The following NPY1R variants were observed in gnomAD, a reference collection of about 807,000 sequenced individuals.
NPY1R encodes the protein neuropeptide Y receptor Y1.
NPY1R carries 10 observed loss-of-function variants against 24.1 expected under a neutral mutation model. The observed-to-expected ratio is 0.42, with a 90% confidence interval of 0.26 to 0.71. NPY1R has a LOEUF of 0.71. Among genes scored for constraint, NPY1R ranks in the 30% least tolerant of loss-of-function variants. The probability of loss-of-function intolerance (pLI) is 0.28; values close to 1 mark genes in which losing one functional copy is unlikely to be tolerated. For missense variants in NPY1R, 350 were observed against 458.0 expected (o/e 0.76, Z 2.15); for synonymous variants, 168 against 165.9 (o/e 1.01, Z -0.10).
intron 1 of NPY1R, among the ~76,000 whole-genome samples, chr4:163,338,942 G>T (rs527263497): frequency 6.6e-6 from 1 of 152,204 alleles, no homozygotes; most frequent in East Asian, 1.9e-4. Flanking sequence ...GTCTCAGATT[G>T]CCACTGATTT....
At chr4:163,336,226 T>C (rs1219902306), upstream of NPY1R, among the ~76,000 whole-genome samples, 3 of 152,170 alleles carry the variant, frequency 2.0e-5, no homozygotes, top group Non-Finnish European at 4.4e-5. Flanking sequence ...TCTAGACAAG[T>C]AGGATCTTAA....
Position 163,325,354 on chromosome 4 carries a change from G to A in NPY1R, c.1104C>T (p.Ser368=). The change falls in exon 3 of 3, where the codon AGC becomes AGT. Residue 368 remains serine (S), a synonymous_variant. Coordinates refer to ENST00000296533, the MANE Select transcript of NPY1R (RefSeq NM_000909.6). ...TGTTGATTTTTTTAAATGCGACTGGGCTTGCTTGCTTCAAAGAAGTTTTGG... is the reference window on the plus strand; with the variant it reads ...TGTTGATTTTTTTAAATGCGACTGGACTTGCTTGCTTCAAAGAAGTTTTGG... ...DVSKTSLKQA[S]PVAFKKINNN... The A allele has an allele frequency of 6.2e-7, 1 of 1,613,754 alleles. No individual in the cohort carries two copies. Among genetic ancestry groups the A allele is most frequent in the Non-Finnish European group, 8.5e-7 (1 of 1,179,898 alleles).
upstream of NPY1R, among the ~76,000 whole-genome samples, chr4:163,336,397 T>C (rs201637642): frequency 9.2e-5 from 14 of 152,300 alleles, no homozygotes; most frequent in East Asian, 2.7e-3. Context: ...ATTACTGTTT[T>C]TAATAATTAT....
At chr4:163,328,100 T>TA (rs1734650039) in intron 1 of NPY1R, among the ~76,000 whole-genome samples, 4 of 152,008 alleles carry the variant, frequency 2.6e-5, no homozygotes, top group African/African-American at 9.7e-5. Flanking sequence ...TTTTTTTTTT[T>TA]ATTATGAAAC....
At chr4:163,344,068 C>G (rs1165434500) in intron 1 of NPY1R, 1 of 152,192 alleles carries the variant, frequency 6.6e-6, no homozygotes. Context: ...GGGGCCGTGG[C>G]GGGTCCCCGC....
chr4:163,332,334 C>A (rs1414947800), intron 1 of NPY1R, 148 bp downstream of exon 1: 2 of 152,272 alleles, frequency 1.3e-5, no homozygotes, highest in Non-Finnish European at 2.9e-5. Context: ...TTTGGAGCAA[C>A]CTGCGACCTG....
chr4:163,329,060 C>T (rs923428431), intron 1 of NPY1R, among the ~76,000 whole-genome samples: 1 of 152,026 alleles, frequency 6.6e-6, no homozygotes, highest in African/African-American at 2.4e-5. Flanking sequence ...TCACAACAGC[C>T]GTACTCCTAG....
chr4:163,326,538 A>G lies in NPY1R; in HGVS notation c.17T>C (p.Phe6Ser). MNSTLFSQVENHSVHS... is the reference protein window; with the variant it reads MNSTLSSQVENHSVHS... ...GACTGAATGATTTTCAACCTGGGAA[A>G]ATAATGTTGAATTCATTTTGATTGG... is the stretch of plus-strand genomic sequence containing the variant. Residue 6 changes from phenylalanine (F) to serine (S), a missense_variant, in exon 2 of 3, where the codon TTT (phenylalanine) becomes TCT (serine). Phe to Ser is a radical substitution (Grantham distance 155). Coordinates refer to ENST00000296533, the MANE Select transcript of NPY1R (RefSeq NM_000909.6). 1 of 1,594,736 alleles carries G rather than the reference A, an allele frequency of 6.3e-7. No homozygotes were observed. Among genetic ancestry groups the G allele is most frequent in the South Asian group, 1.1e-5 (1 of 88,292 alleles).
chr4:163,343,175 CTTT>C (rs35412972), intron 1 of NPY1R, among the ~76,000 whole-genome samples: 3 of 144,972 alleles, frequency 2.1e-5, no homozygotes, highest in Admixed American at 6.9e-5. Flanking sequence ...TTTTTCCCGT[CTTT>C]TTTTTTTTTT....
At chr4:163,331,610 C>A (rs896621776) in intron 1 of NPY1R, among the ~76,000 whole-genome samples, 8 of 152,046 alleles carry the variant, frequency 5.3e-5, no homozygotes, top group African/African-American at 1.9e-4. Context: ...AGATCCCAAA[C>A]CGAAGTCAAT....
At position 163,325,294 on chromosome 4, in the gene NPY1R, T is replaced by C. The variant is rs1734577333; in HGVS notation, c.*9A>G. On this transcript the variant is annotated 3_prime_UTR_variant, in exon 3 of 3. Coordinates refer to ENST00000296533, the MANE Select transcript of NPY1R (RefSeq NM_000909.6). ...AGATGTCATCCGGGACCATAGGCTA[T>C]AAGTAGTTTCAGATTTTTTCATTAT... 1 of 1,589,710 alleles carries C rather than the reference T, an allele frequency of 6.3e-7. No individual in the cohort carries two copies. The highest frequency in any genetic ancestry group is 1.1e-5 in the South Asian group (1 of 88,380).
intron 1 of NPY1R, chr4:163,330,656 T>C (rs545693906): frequency 6.6e-6 from 1 of 152,374 alleles, no homozygotes; most frequent in Admixed American, 6.5e-5. Flanking sequence ...TAAATCTCAG[T>C]GTAGCTGCCA....
chr4:163,338,381 G>A (rs778166723), intron 1 of NPY1R, among the ~76,000 whole-genome samples: 5 of 152,128 alleles, frequency 3.3e-5, no homozygotes, highest in South Asian at 2.1e-4. Flanking sequence ...ATCTGCTAAC[G>A]ATACATAAGA....
upstream of NPY1R, among the ~76,000 whole-genome samples, chr4:163,333,369 C>T (rs1194245231): frequency 6.6e-6 from 1 of 152,086 alleles, no homozygotes; most frequent in South Asian, 2.1e-4. Context: ...CCAAACCCAT[C>T]ATGGTGCCCG....
chr4:163,329,567 C>T (rs537438197), intron 1 of NPY1R, among the ~76,000 whole-genome samples: 2 of 151,440 alleles, frequency 1.3e-5, no homozygotes, highest in Non-Finnish European at 2.9e-5. Flanking sequence ...GGCCACCGCA[C>T]TCCAGCCTGG....
chr4:163,333,178 G>A (rs1734772615), upstream of NPY1R, among the ~76,000 whole-genome samples: 2 of 151,922 alleles, frequency 1.3e-5, no homozygotes, highest in African/African-American at 2.4e-5. Flanking sequence ...CTGAGAAAAT[G>A]CATTAAGTCA....
chr4:163,343,027 C>T (rs1209533638), intron 1 of NPY1R, among the ~76,000 whole-genome samples: 3 of 140,136 alleles, frequency 2.1e-5, no homozygotes, highest in East Asian at 2.2e-4. Context: ...CACGCGCGCG[C>T]GCCTAAAGTA....
intron 1 of NPY1R, among the ~76,000 whole-genome samples, chr4:163,328,459 T>C (rs1578933584): frequency 6.6e-6 from 1 of 152,260 alleles, no homozygotes; most frequent in Admixed American, 6.5e-5. Flanking sequence ...TACAGAGATA[T>C]TTAACATGAC....
chr4:163,325,246 G>A lies in NPY1R; in HGVS notation c.*57C>T. On this transcript the variant is annotated 3_prime_UTR_variant, in exon 3 of 3. Coordinates refer to ENST00000296533, the MANE Select transcript of NPY1R (RefSeq NM_000909.6). Reference sequence around the variant, plus strand: ...GGAGAACAGGTAATCAAAGTATGTTGCAGGTTGTGCTTGTTTTTAAACAGA... The same window carrying A: ...GGAGAACAGGTAATCAAAGTATGTTACAGGTTGTGCTTGTTTTTAAACAGA... The A allele has an allele frequency of 8.5e-7, 1 of 1,180,874 alleles. No individual in the cohort carries two copies. Among genetic ancestry groups the A allele is most frequent in the South Asian group, 1.4e-5 (1 of 69,040 alleles). The allele number at this position is 1,180,874 out of a possible 1,614,324, so 73.1% of individuals were successfully genotyped here.
Sources: gnomAD v4.1 joint callset for allele counts (sites outside exome capture counted in the v4.1 genomes callset) on GRCh38, gnomAD v4.1.1 for gene constraint, MANE v1.5 for transcripts, NCBI Gene and HGNC (gene_info 2026-07-23, HGNC 2026-07-21) for gene names.